The following WNT7A variants were observed in gnomAD, a reference collection of about 807,000 sequenced individuals.
The protein encoded by WNT7A is protein Wnt-7a.
In WNT7A, 16 loss-of-function variants were observed where a neutral mutation model predicts 28.2. The observed-to-expected ratio is 0.57, with a 90% CI of 0.38 to 0.86. The LOEUF (loss-of-function observed/expected upper bound fraction) is 0.86, where lower values mean the gene tolerates loss of function less well. WNT7A is among the 40% of genes least tolerant of loss of function. The pLI, the probability that WNT7A is intolerant of heterozygous loss-of-function variation, is 0.00. For synonymous variants in WNT7A, 190 were observed against 195.9 expected (o/e 0.97, Z 0.25); for missense variants, 411 against 489.7 (o/e 0.84, Z 1.52).
Position 13,875,077 on chromosome 3 carries a change from G to C in WNT7A, c.168C>G (p.Pro56=), listed in dbSNP as rs145281257. 11 of 1,614,080 alleles carry C rather than the reference G, an allele frequency of 6.8e-6. No homozygotes were observed. In the East Asian group the frequency reaches 2.2e-4, roughly 33 times the overall value. ...PRQRAICQSR[P]DAIIVIGEGS... is the part of the protein sequence containing the mutation. Reference sequence around the variant, plus strand: ...CTTCTCCTATGACGATGATGGCGTCGGGCCGGCTCTGGCAGATCGCCCGCT... The same window carrying C: ...CTTCTCCTATGACGATGATGGCGTCCGGCCGGCTCTGGCAGATCGCCCGCT... The change falls in exon 2 of 4, where the codon CCC becomes CCG. Residue 56 remains proline, a synonymous_variant. Coordinates refer to ENST00000285018, the MANE Select transcript of WNT7A (RefSeq NM_004625.4).
chr3:13,860,355 T>A (rs892310097), intron 2 of WNT7A, among the ~76,000 whole-genome samples: 3 of 152,172 alleles, frequency 2.0e-5, no homozygotes, highest in Non-Finnish European at 4.4e-5. Flanking sequence ...GGAAACCCCA[T>A]GGTTAGAGAT....
chr3:13,863,953 A>C (rs1229916046), intron 2 of WNT7A: 1 of 152,172 alleles, frequency 6.6e-6, no homozygotes, highest in Admixed American at 6.5e-5. Flanking sequence ...AAGTGGTGAC[A>C]AATTCTACAG....
chr3:13,858,733 T>C (rs944420285), intron 2 of WNT7A, among the ~76,000 whole-genome samples: 1 of 152,214 alleles, frequency 6.6e-6, no homozygotes, highest in Non-Finnish European at 1.5e-5. Context: ...CAGTCATTCT[T>C]GGCTTCAGAG....
rs994201897 is a variant in WNT7A, at chr3:13,856,914, G to T, written c.299-2111C>A. Among the ~76,000 whole-genome samples, 2 of 92,322 alleles carry T rather than the reference G, an allele frequency of 2.2e-5. 1 individual carries two copies. The highest frequency in any genetic ancestry group is 1.1e-4 in the African/African-American group (2 of 17,530). The allele number at this position is 92,322 out of a possible 152,430, so 60.6% of individuals were successfully genotyped here. On this transcript the variant is annotated intron_variant, in intron 2 of 3. Coordinates refer to ENST00000285018, the MANE Select transcript of WNT7A (RefSeq NM_004625.4). ...AGAAAAAGAAGAAGAAGAAGAAGAA[G>T]AAGAAGAAGAAGAAGAAGAAGAAGA...
chr3:13,856,680 T>C (rs770783460), intron 2 of WNT7A, among the ~76,000 whole-genome samples: 13 of 151,964 alleles, frequency 8.6e-5, no homozygotes, highest in Admixed American at 3.9e-4. Flanking sequence ...TAGCTGGGCA[T>C]GGTGACACAT....
rs568867688 is a variant in WNT7A at position 13,850,252 on chromosome 3, G to A, written c.570+4280C>T. ...GCCTGGCTCCTCAGGCCCTCGACAT[G>A]CCACCACTGGCCACTCTATCTGGTC... On this transcript the variant is annotated intron_variant, in intron 3 of 3. Transcript: ENST00000285018. Among the ~76,000 whole-genome samples, 9 of 152,316 alleles carry A rather than the reference G, an allele frequency of 5.9e-5. No homozygotes were observed. The East Asian group carries it at 1.7e-3, about 29-fold the overall frequency.
In WNT7A at chr3:13,854,747, T is replaced by A. The variant is rs1433014016; in HGVS notation, c.355A>T (p.Ile119Phe). ...TTGCCCTGGGTACAGGCAGCTGTGA[T>A]GGCGTGGGCCACGCCGGCGGCAATG... ...AIIAAGVAHA[I>F]TAACTQGNLS... The change falls in exon 3 of 4, where the codon ATC becomes TTC. Residue 119 changes from isoleucine to phenylalanine, a missense_variant. By Grantham distance (21) the Ile-to-Phe change is conservative (BLOSUM62 0). Transcript: ENST00000285018. 4 of 1,613,946 alleles carry A rather than the reference T, an allele frequency of 2.5e-6. No individual in the cohort carries two copies. The highest frequency in any genetic ancestry group is 1.1e-5 in the South Asian group (1 of 91,086).
At chr3:13,854,401 G>A in intron 3 of WNT7A, 131 bp downstream of exon 3, 2 of 1,462,536 alleles carry the variant, frequency 1.4e-6, no homozygotes, top group Non-Finnish European at 1.9e-6. Flanking sequence ...GCTGATGCCA[G>A]CACCAAGCAG....
intron 3 of WNT7A, among the ~76,000 whole-genome samples, chr3:13,830,666 T>G (rs1694267505): frequency 6.6e-6 from 1 of 152,186 alleles, no homozygotes; most frequent in South Asian, 2.1e-4. Flanking sequence ...ATGGTGGCTG[T>G]GACTGTCTCC....
At position 13,854,684 on chromosome 3, in the gene WNT7A, G is replaced by A; in HGVS notation, c.418C>T (p.Gln140Ter). The A allele has an allele frequency of 6.2e-7, 1 of 1,614,180 alleles. No homozygotes were observed. The highest frequency in any genetic ancestry group is 8.5e-7 in the Non-Finnish European group (1 of 1,180,032). ...TTCCAGCCCTCGTCCCGGTGGTACTGGCCTTGCTTCTCTTTGTCGCAGCCA... is the reference window on the plus strand; with the variant it reads ...TTCCAGCCCTCGTCCCGGTGGTACTAGCCTTGCTTCTCTTTGTCGCAGCCA... Reference protein sequence around the residue: ...DCGCDKEKQGQYHRDEGWKWG... With the variant: ...DCGCDKEKQG Residue 140 changes from glutamine to a stop codon, truncating the protein, a stop_gained, in exon 3 of 4, where the codon CAG (glutamine) becomes TAG (stop). Coordinates refer to ENST00000285018, the MANE Select transcript of WNT7A (RefSeq NM_004625.4). LOFTEE classifies it high-confidence loss of function.
intron 1 of WNT7A, chr3:13,876,896 T>G (rs1695118808): frequency 6.6e-6 from 1 of 152,204 alleles, no homozygotes; most frequent in African/African-American, 2.4e-5. Context: ...CTCTGTTTTG[T>G]TTACTGGATA....
chr3:13,833,411 G>A (rs570798932), intron 3 of WNT7A, among the ~76,000 whole-genome samples: 121 of 152,344 alleles, frequency 7.9e-4, no homozygotes, highest in African/African-American at 2.9e-3. Flanking sequence ...AGCCCATATG[G>A]TGGTGGCTAG....
At chr3:13,873,196 T>C (rs1259795017) in intron 2 of WNT7A, among the ~76,000 whole-genome samples, 1 of 151,976 alleles carries the variant, frequency 6.6e-6, no homozygotes, top group Non-Finnish European at 1.5e-5. Flanking sequence ...AACTAAAAAG[T>C]GAGCCCTGGG....
At chr3:13,878,000 C>T (rs1352489968) in intron 1 of WNT7A, among the ~76,000 whole-genome samples, 1 of 152,174 alleles carries the variant, frequency 6.6e-6, no homozygotes, top group East Asian at 1.9e-4. Context: ...ATGAGTAGCC[C>T]GAGGCGCAGG....
rs183393493 is a variant in WNT7A at position 13,840,077 on chromosome 3, C to T, written c.570+14455G>A. On this transcript the variant is annotated intron_variant, in intron 3 of 3. Coordinates refer to ENST00000285018, the MANE Select transcript of WNT7A (RefSeq NM_004625.4). ...CTAACACATCTCTCTGTGACCTCCT[C>T]TCCTCCCTGACAGCCACACTGGCCT... 3.5e-3 allele frequency among the ~76,000 whole-genome samples: 540 copies of T among 152,320 alleles called. 2 individuals are homozygous for T. Among genetic ancestry groups the T allele is most frequent in the African/African-American group, 0.012 (482 of 41,576 alleles).
intron 2 of WNT7A, among the ~76,000 whole-genome samples, chr3:13,868,690 GA>G (rs1694960100): frequency 5.1e-5 from 1 of 19,752 alleles, no homozygotes; most frequent in Non-Finnish European, 9.7e-5. Context: ...GAGAGAGAGA[GA>G]GAAAGAAAGA....
chr3:13,862,005 A>G (rs1694838857), intron 2 of WNT7A, among the ~76,000 whole-genome samples: 1 of 152,160 alleles, frequency 6.6e-6, no homozygotes, highest in African/African-American at 2.4e-5. Context: ...CTCAGAACTC[A>G]GATAAGACAA....
At position 13,817,378 on chromosome 3, in the gene WNT7A, G is replaced by A. The variant is rs1694019710; in HGVS notation, c.*1566C>T. ...CACGAGTACGGCGGAGGCGCTGCAA[G>A]GCGCAAAGTCACGTGACTACACTCA... On this transcript the variant is annotated 3_prime_UTR_variant, in exon 4 of 4. Transcript: ENST00000285018. 1 of 150,872 alleles carries A rather than the reference G, an allele frequency of 6.6e-6. No homozygotes were observed. 9.3% of individuals were successfully genotyped at this position (150,872 alleles called of 1,614,324 possible).
chr3:13,839,925 C>T (rs1391826848), intron 3 of WNT7A, among the ~76,000 whole-genome samples: 4 of 152,190 alleles, frequency 2.6e-5, no homozygotes, highest in African/African-American at 7.2e-5. Context: ...AACCAGCAAG[C>T]AGGGGTGCAG....
Sources: allele counts gnomAD v4.1 joint callset (sites outside exome capture counted in the v4.1 genomes callset), GRCh38; gene constraint gnomAD v4.1.1; transcripts MANE v1.5; gene names NCBI Gene and HGNC (gene_info 2026-07-23, HGNC 2026-07-21).